SCGB2B2: variants seen among roughly 807,000 people sequenced by gnomAD.
SCGB2B2 encodes secretoglobin family 2B member 2, also known as secretoglobin-like protein.
A neutral mutation model predicts 7.6 loss-of-function variants in SCGB2B2; 11 were observed. The observed-to-expected ratio is 1.45, with a 90% CI of 0.91 to 2.40. The LOEUF (loss-of-function observed/expected upper bound fraction) is 2.40. SCGB2B2 is among the 30% of genes most tolerant of loss of function. SCGB2B2 has a pLI of 0.00. For missense variants in SCGB2B2, 104 were observed against 115.4 expected, an observed-to-expected ratio of 0.90 and a Z score of 0.45; for synonymous variants, 50 against 48.6, an observed-to-expected ratio of 1.03 and a Z score of -0.12.
At chr19:34,622,714 A>C (rs2145904058) in intron 1 of SCGB2B2, among the ~76,000 whole-genome samples, 1 of 152,276 alleles carries the variant, frequency 6.6e-6, no homozygotes, top group African/African-American at 2.4e-5. Context: ...CATACTGCAA[A>C]GCTTCAACCT....
intron 1 of SCGB2B2, among the ~76,000 whole-genome samples, chr19:34,621,002 C>CA (rs142091105): frequency 0.028 from 4,176 of 151,370 alleles, 200 homozygotes; most frequent in African/African-American, 0.094. Context: ...AAGCTATATG[C>CA]AAAAAAAAGA....
chr19:34,601,690 T>TA (rs922048446), intron 1 of SCGB2B2, among the ~76,000 whole-genome samples: 23 of 152,334 alleles, frequency 1.5e-4, no homozygotes, highest in Non-Finnish European at 2.5e-4. Context: ...ATTCAGCATT[T>TA]AAAAAAACTT....
chr19:34,649,584 T>G (rs908682273), intron 1 of SCGB2B2, among the ~76,000 whole-genome samples: 4 of 152,172 alleles, frequency 2.6e-5, no homozygotes, highest in African/African-American at 9.7e-5. Flanking sequence ...TGTGGTTGCT[T>G]ATGCTTGTAA....
intron 1 of SCGB2B2, among the ~76,000 whole-genome samples, chr19:34,611,464 C>T (rs567478603): frequency 1.6e-4 from 24 of 151,936 alleles, no homozygotes; most frequent in African/African-American, 5.8e-4. Flanking sequence ...TTAAACTTCC[C>T]AGTTACTGAT....
At chr19:34,645,525 G>C (rs957983524) in intron 1 of SCGB2B2, 6 of 140,002 alleles carry the variant, frequency 4.3e-5, no homozygotes, top group Non-Finnish European at 9.2e-5. Context: ...GACACACACA[G>C]ACACACACAG....
In SCGB2B2 at chr19:34,655,432, T is replaced by C. The variant is rs190363740; in HGVS notation, c.-2032+20198A>G. ...TATTGACAATAACTCTTTGAACCAA[T>C]TGCCAATCAGAAAAATTTTAAAACT... On this transcript the variant is annotated intron_variant, in intron 1 of 3. Transcript: ENST00000601241. 4.7e-4 allele frequency among the ~76,000 whole-genome samples: 71 copies of C among 151,280 alleles called. 7 individuals are homozygous for C. The highest frequency in any genetic ancestry group is 1.7e-3 in the African/African-American group (68 of 40,590).
intron 1 of SCGB2B2, among the ~76,000 whole-genome samples, chr19:34,599,930 A>G (rs997399316): frequency 1.3e-5 from 2 of 152,230 alleles, no homozygotes; most frequent in Non-Finnish European, 2.9e-5. Flanking sequence ...TTAAGTGATT[A>G]CTGTAATGCA....
At chr19:34,669,998 C>T (rs535460387) in intron 1 of SCGB2B2, among the ~76,000 whole-genome samples, 3 of 152,196 alleles carry the variant, frequency 2.0e-5, no homozygotes, top group African/African-American at 4.8e-5. Flanking sequence ...TGAATAATCC[C>T]GGCAGGCTTT....
At chr19:34,626,464 C>A (rs10425921) in intron 1 of SCGB2B2, among the ~76,000 whole-genome samples, 48,015 of 152,032 alleles carry the variant, frequency 0.32, 8,426 homozygotes, top group Middle Eastern at 0.47. Flanking sequence ...GATGAAAGCA[C>A]AAGCCTCAGT....
intron 1 of SCGB2B2, among the ~76,000 whole-genome samples, chr19:34,637,038 A>G (rs143718378): frequency 1.1e-4 from 17 of 152,338 alleles, no homozygotes; most frequent in Non-Finnish European, 2.1e-4. Flanking sequence ...AAAGAGCCTC[A>G]GAAGAAGATC....
At chr19:34,598,007 T>C (rs1021770494) in intron 1 of SCGB2B2, among the ~76,000 whole-genome samples, 2 of 151,866 alleles carry the variant, frequency 1.3e-5, no homozygotes, top group African/African-American at 4.8e-5. Context: ...GGGAGACTGC[T>C]CCCACTGCTT....
intron 1 of SCGB2B2, among the ~76,000 whole-genome samples, chr19:34,670,528 CTCTATCT>C (rs2067774672): frequency 2.0e-5 from 3 of 152,200 alleles, no homozygotes; most frequent in African/African-American, 7.2e-5. Flanking sequence ...ACTGCCATCC[CTCTATCT>C]TCTTTGGTTA....
At chr19:34,594,153 A>G in intron 3 of SCGB2B2, 22 bp downstream of exon 3, 1 of 1,599,526 alleles carries the variant, frequency 6.3e-7, no homozygotes. Flanking sequence ...TAGTGTGTGC[A>G]GGTCCCCCCG....
intron 1 of SCGB2B2, among the ~76,000 whole-genome samples, chr19:34,611,685 T>C (rs1217026208): frequency 6.6e-6 from 1 of 151,370 alleles, no homozygotes; most frequent in African/African-American, 2.4e-5. Flanking sequence ...AGTCTCGCAG[T>C]GTTGCCCAGG....
intron 1 of SCGB2B2, among the ~76,000 whole-genome samples, chr19:34,625,648 C>T (rs149752075): frequency 6.6e-6 from 1 of 152,340 alleles, no homozygotes; most frequent in East Asian, 1.9e-4. Context: ...GAGCCCAACA[C>T]AGCTCAAGGA....
Position 34,608,684 on chromosome 19 carries a change from T to TATATATATATATATATATATATAC in SCGB2B2, c.-2031-12091_-2031-12090insGTATATATATATATATATATATAT, listed in dbSNP as rs879668084. 397 of 126,174 alleles carry TATATATATATATATATATATATAC rather than the reference T, an allele frequency of 3.1e-3. 1 individual carries two copies. The highest frequency in any genetic ancestry group is 8.7e-3 in the Middle Eastern group (2 of 230). 7.8% of individuals were successfully genotyped at this position (126,174 alleles called of 1,614,324 possible). ...GCATATATATATATATATATATATA[T>TATATATATATATATATATATATAC]ACCGTATTTTCTTCATCTTTTCACT... is the stretch of plus-strand genomic sequence containing the variant. On this transcript the variant is annotated intron_variant, in intron 1 of 3. Transcript: ENST00000601241.
intron 1 of SCGB2B2, among the ~76,000 whole-genome samples, chr19:34,618,836 G>A (rs1028721318): frequency 1.3e-5 from 2 of 152,188 alleles, no homozygotes; most frequent in Non-Finnish European, 2.9e-5. Flanking sequence ...CTCAGGATGA[G>A]GATAGAGCTG....
chr19:34,597,440 C>T (rs961488311), intron 1 of SCGB2B2, among the ~76,000 whole-genome samples: 2 of 119,452 alleles, frequency 1.7e-5, no homozygotes, highest in African/African-American at 6.0e-5. Flanking sequence ...CATCATCTAC[C>T]TCCCTAGAGG....
intron 1 of SCGB2B2, among the ~76,000 whole-genome samples, chr19:34,606,836 A>AT (rs1251205473): frequency 6.6e-6 from 1 of 151,714 alleles, no homozygotes; most frequent in Non-Finnish European, 1.5e-5. Flanking sequence ...AAAGCATAGT[A>AT]TATTGTACAC....
Sources: gnomAD v4.1 joint callset for allele counts (sites outside exome capture counted in the v4.1 genomes callset) on GRCh38, gnomAD v4.1.1 for gene constraint, MANE v1.5 for transcripts, NCBI Gene and HGNC (gene_info 2026-07-23, HGNC 2026-07-21) for gene names.